LRMDA: variants seen among roughly 807,000 people sequenced by gnomAD.
The protein encoded by LRMDA is leucine rich melanocyte differentiation associated.
Under a neutral mutation model 29.8 loss-of-function variants are expected in LRMDA, and 18 were observed. The observed-to-expected ratio is 0.60, with a 90% CI of 0.42 to 0.90. LRMDA has a LOEUF of 0.90. Among genes scored for constraint, LRMDA ranks in the 40% least tolerant of loss-of-function variants. The pLI is 0.00. For missense variants in LRMDA, 273 were observed against 273.9 expected, an observed-to-expected ratio of 1.00 and a Z score of 0.02; for synonymous variants, 125 against 109.4, an observed-to-expected ratio of 1.14 and a Z score of -0.89.
chr10:76,250,464 C>T (rs1589394075), intron 5 of LRMDA, among the ~76,000 whole-genome samples: 1 of 152,096 alleles, frequency 6.6e-6, no homozygotes, highest in African/African-American at 2.4e-5. Flanking sequence ...TATTATGATA[C>T]ATTTCTAGGC....
chr10:75,602,688 C>T (rs1840902603), intron 2 of LRMDA, among the ~76,000 whole-genome samples: 1 of 152,040 alleles, frequency 6.6e-6, no homozygotes, highest in African/African-American at 2.4e-5. Context: ...CTTCCTCATT[C>T]ATTTGATAGA....
Position 75,899,444 on chromosome 10 carries a change from C to G in LRMDA, c.132-136564C>G, listed in dbSNP as rs2132362777. 2.0e-5 allele frequency among the ~76,000 whole-genome samples: 3 copies of G among 152,330 alleles called. No homozygotes were observed. The South Asian group carries it at 6.2e-4, about 32-fold the overall frequency. Reference sequence around the variant, plus strand: ...CAAAGACTCACATTCTTCAGATGCGCTAGCATAGGAAAGTTTTCCTGTAGT... The same window carrying G: ...CAAAGACTCACATTCTTCAGATGCGGTAGCATAGGAAAGTTTTCCTGTAGT... On this transcript the variant is annotated intron_variant, in intron 2 of 6. Coordinates refer to ENST00000611255, the MANE Select transcript of LRMDA (RefSeq NM_001305581.2).
chr10:75,684,727 A>T (rs1326433984), intron 2 of LRMDA, among the ~76,000 whole-genome samples: 1 of 152,152 alleles, frequency 6.6e-6, no homozygotes, highest in East Asian at 1.9e-4. Flanking sequence ...AGAACCTGCC[A>T]TCTTGATTTG....
chr10:76,344,400 A>G (rs959057310), intron 6 of LRMDA, among the ~76,000 whole-genome samples: 4 of 152,186 alleles, frequency 2.6e-5, no homozygotes, highest in African/African-American at 9.6e-5. Flanking sequence ...AGAATTCTTG[A>G]CATTAAGAAC....
chr10:76,441,136 G>A (rs1311188593), intron 6 of LRMDA, among the ~76,000 whole-genome samples: 3 of 152,094 alleles, frequency 2.0e-5, no homozygotes, highest in African/African-American at 4.8e-5. Context: ...GTGCATGAGT[G>A]ATATTGTAGG....
intron 5 of LRMDA, among the ~76,000 whole-genome samples, chr10:76,146,113 A>C (rs1293498391): frequency 6.6e-6 from 1 of 152,006 alleles, no homozygotes; most frequent in African/African-American, 2.4e-5. Context: ...ACTTCCAACT[A>C]TGTGGTCAAT....
Position 75,723,172 on chromosome 10 carries a change from T to C in LRMDA, c.131+284678T>C, listed in dbSNP as rs1842589351. On this transcript the variant is annotated intron_variant, in intron 2 of 6. Transcript: ENST00000611255. ...CTGGGCATTAATGAAGGTTAGATCT[T>C]CAGCCTGGAAGTGTGAGCTTGCCAT... Among the ~76,000 whole-genome samples, 3 of 152,362 alleles carry C rather than the reference T, an allele frequency of 2.0e-5. No individual in the cohort carries two copies. In the South Asian group the frequency reaches 6.2e-4, roughly 32 times the overall value.
chr10:75,897,642 G>A (rs1218034888), intron 2 of LRMDA, among the ~76,000 whole-genome samples: 1 of 152,126 alleles, frequency 6.6e-6, no homozygotes, highest in African/African-American at 2.4e-5. Context: ...AAATTTCTCA[G>A]TGGTTACATA....
chr10:75,626,145 A>C (rs1426952746), intron 2 of LRMDA, among the ~76,000 whole-genome samples: 1 of 151,880 alleles, frequency 6.6e-6, no homozygotes, highest in Non-Finnish European at 1.5e-5. Context: ...TACAGGTGTG[A>C]GCCACCACAC....
intron 2 of LRMDA, among the ~76,000 whole-genome samples, chr10:75,814,409 T>G (rs887452751): frequency 6.6e-6 from 1 of 152,222 alleles, no homozygotes; most frequent in African/African-American, 2.4e-5. Flanking sequence ...TTAGTGATTT[T>G]CTTTTCAATA....
intron 2 of LRMDA, among the ~76,000 whole-genome samples, chr10:75,728,426 CTGTGTGTG>C (rs34902461): frequency 0.036 from 5,021 of 138,266 alleles, 161 homozygotes; most frequent in African/African-American, 0.098. Flanking sequence ...ATACGTGGCT[CTGTGTGTG>C]TGTGTGTGTG....
chr10:76,524,756 A>G (rs539597459), intron 6 of LRMDA, among the ~76,000 whole-genome samples: 22 of 152,302 alleles, frequency 1.4e-4, no homozygotes, highest in African/African-American at 5.3e-4. Context: ...CAGGGTAGCT[A>G]AAAGAGAAAG....
At chr10:75,929,328 T>G (rs894804596) in intron 2 of LRMDA, among the ~76,000 whole-genome samples, 2 of 137,628 alleles carry the variant, frequency 1.5e-5, no homozygotes, top group African/African-American at 5.4e-5. Flanking sequence ...TGAATGCGTT[T>G]GTGCATATGT....
intron 2 of LRMDA, among the ~76,000 whole-genome samples, chr10:75,774,853 G>C (rs1156978447): frequency 1.3e-5 from 2 of 152,166 alleles, no homozygotes; most frequent in African/African-American, 2.4e-5. Flanking sequence ...TTGATTTTTA[G>C]AACTTAAGCA....
At chr10:75,907,171 A>G (rs2132372507) in intron 2 of LRMDA, among the ~76,000 whole-genome samples, 1 of 152,320 alleles carries the variant, frequency 6.6e-6, no homozygotes, top group African/African-American at 2.4e-5. Flanking sequence ...TGTTAATTAG[A>G]AGTGCACATA....
At chr10:76,521,995 C>T (rs1182435969) in intron 6 of LRMDA, among the ~76,000 whole-genome samples, 2 of 152,034 alleles carry the variant, frequency 1.3e-5, no homozygotes, top group Admixed American at 6.5e-5. Context: ...CCTTTTTGTT[C>T]CTCAAACTCA....
intron 2 of LRMDA, among the ~76,000 whole-genome samples, chr10:75,484,716 A>G (rs1564783063): frequency 6.6e-6 from 1 of 152,238 alleles, no homozygotes; most frequent in Non-Finnish European, 1.5e-5. Flanking sequence ...AAGAGACACC[A>G]GAGAGCTCTG....
rs1206793821 is a variant in LRMDA at position 75,802,059 on chromosome 10, C to T, written c.132-233949C>T. On this transcript the variant is annotated intron_variant, in intron 2 of 6. Transcript: ENST00000611255. Reference sequence around the variant, plus strand: ...TGAGGCTGAGCATGGTGGCTCATGCCTGTAATCCCAACACAGGCATGCTGA... The same window carrying T: ...TGAGGCTGAGCATGGTGGCTCATGCTTGTAATCCCAACACAGGCATGCTGA... Among the ~76,000 whole-genome samples, 3 of 152,222 alleles carry T rather than the reference C, an allele frequency of 2.0e-5. No homozygotes were observed. In the East Asian group the frequency reaches 5.8e-4, roughly 29 times the overall value.
At position 76,036,119 on chromosome 10, in the gene LRMDA, C is replaced by T; in HGVS notation, c.243C>T (p.Thr81=). 2 of 1,613,854 alleles carry T rather than the reference C, an allele frequency of 1.2e-6. No homozygotes were observed. The highest frequency in any genetic ancestry group is 8.5e-7 in the Non-Finnish European group (1 of 1,179,978). The change falls in exon 3 of 7, where the codon ACC becomes ACT. Residue 81 remains threonine, a synonymous_variant. Transcript: ENST00000611255. ...GGTTACCCAGACTGCATACCTTAAC[C>T]CTCAACAAGAACCGAATATCCTTTC... ...LPGLPRLHTL[T]LNKNRITDLE... is the part of the protein sequence containing the mutation.
Sources: allele counts gnomAD v4.1 joint callset (sites outside exome capture counted in the v4.1 genomes callset), GRCh38; gene constraint gnomAD v4.1.1; transcripts MANE v1.5; gene names NCBI Gene and HGNC (gene_info 2026-07-23, HGNC 2026-07-21).